ITGA4: variants seen among roughly 807,000 people sequenced by gnomAD.
ITGA4 encodes the protein integrin alpha-4.
In ITGA4, 63 loss-of-function variants were observed where a neutral mutation model predicts 133.6. That is an observed-to-expected ratio of 0.47 (90% confidence interval 0.38 to 0.58). The LOEUF (loss-of-function observed/expected upper bound fraction) is 0.58, where lower values mean the gene tolerates loss of function less well. Ranked by LOEUF, ITGA4 falls within the 20% of genes least tolerant of loss-of-function variation. ITGA4 has a pLI of 0.00. For synonymous variants in ITGA4, 483 were observed against 438.0 expected (o/e 1.10, Z -1.28); for missense variants, 1,076 against 1,252.7 (o/e 0.86, Z 2.13).
chr2:181,538,300 T>A lies in ITGA4; in HGVS notation c.*2773T>A. On this transcript the variant is annotated 3_prime_UTR_variant, in exon 28 of 28. Coordinates refer to ENST00000397033, the MANE Select transcript of ITGA4 (RefSeq NM_000885.6). ...TATTTTGTTGTTTTTCACATACACC[T>A]AATAAGTATGGTACACAATGCCAAT... 4 of 1,009,914 alleles carry A rather than the reference T, an allele frequency of 4.0e-6. No homozygotes were observed. The highest frequency in any genetic ancestry group is 2.6e-5 in the South Asian group (2 of 76,512). 62.6% of individuals were successfully genotyped at this position (1,009,914 alleles called of 1,614,324 possible).
rs1388467634 is a variant in ITGA4, at chr2:181,535,593, C to CTGTT, written c.*68_*71dup. On this transcript the variant is annotated 3_prime_UTR_variant, in exon 28 of 28. Coordinates refer to ENST00000397033, the MANE Select transcript of ITGA4 (RefSeq NM_000885.6). ...TTGTAGTAAAGAAATTTAAAAGACA[C>CTGTT]TGTTTACAAGAAAAAATGAATTTTG... 2.6e-6 allele frequency: 4 copies of CTGTT among 1,518,310 alleles called. No homozygotes were observed. Among genetic ancestry groups the CTGTT allele is most frequent in the South Asian group, 2.8e-5 (2 of 72,636 alleles). The allele number at this position is 1,518,310 out of a possible 1,614,324, so 94.1% of individuals were successfully genotyped here. A position where few individuals can be genotyped will look rare whatever the true frequency, so the allele number is the denominator to read the frequency against.
Position 181,495,441 on chromosome 2 carries a change from TA to T in ITGA4, c.1385+27del, listed in dbSNP as rs2105745285. 6 of 1,567,134 alleles carry T rather than the reference TA, an allele frequency of 3.8e-6. No homozygotes were observed. Among genetic ancestry groups the T allele is most frequent in the East Asian group, 4.5e-5 (2 of 44,578 alleles). On this transcript the variant is annotated intron_variant, in intron 13 of 27. Transcript: ENST00000397033. The surrounding 1 kb of genome is among the most constrained non-coding windows in gnomAD (Gnocchi z 4.3). ...GGTAAGACTGATATATTTCACTGCT[TA>T]ATTGCAATTTGGTTTAATTGTAAAA...
chr2:181,538,380 AAACTGAGAAGGTCTGATTGAT>A lies in ITGA4; in HGVS notation c.*2856_*2876del. On this transcript the variant is annotated 3_prime_UTR_variant, in exon 28 of 28. Coordinates refer to ENST00000397033, the MANE Select transcript of ITGA4 (RefSeq NM_000885.6). ...ATTCCCAACAGAGCTGTAATCTAGA[AAACTGAGAAGGTCTGATTGAT>A]AAATCATCAACAACAATAATTGCTC... The A allele has an allele frequency of 1.6e-6, 1 of 619,410 alleles. No individual in the cohort carries two copies. Among genetic ancestry groups the A allele is most frequent in the Non-Finnish European group, 2.9e-6 (1 of 341,024 alleles). 38.4% of individuals were successfully genotyped at this position (619,410 alleles called of 1,614,324 possible).
At chr2:181,471,417 C>G (rs2105722500) in intron 2 of ITGA4, among the ~76,000 whole-genome samples, 1 of 152,150 alleles carries the variant, frequency 6.6e-6, no homozygotes, top group South Asian at 2.1e-4. Flanking sequence ...TGTAGTTAAC[C>G]TTAACAAAAA....
At chr2:181,508,844 C>T (rs1686445033) in intron 15 of ITGA4, among the ~76,000 whole-genome samples, 1 of 151,444 alleles carries the variant, frequency 6.6e-6, no homozygotes, top group African/African-American at 2.4e-5. Context: ...TAGAAAAGTT[C>T]CATAAAGAAA....
Position 181,513,107 on chromosome 2 carries a change from C to T in ITGA4, c.1922+1332C>T, listed in dbSNP as rs186997966. ...CCCATTGTCTTAGTAGTTATTTAGC[C>T]CTTTCTTTTCAGCTGTTTTTGATGG... On this transcript the variant is annotated intron_variant, in intron 17 of 27. Transcript: ENST00000397033. Among the ~76,000 whole-genome samples the T allele has an allele frequency of 1.8e-4, 28 of 152,002 alleles. 1 individual carries two copies. In the East Asian group the frequency reaches 5.1e-3, roughly 27 times the overall value.
intron 2 of ITGA4, among the ~76,000 whole-genome samples, chr2:181,472,081 T>A (rs1237381182): frequency 6.6e-6 from 1 of 152,170 alleles, no homozygotes; most frequent in African/African-American, 2.4e-5. Context: ...TAGTTTGTGG[T>A]GTGTGTAAAC....
At chr2:181,512,358 G>C (rs965465632) in intron 17 of ITGA4, among the ~76,000 whole-genome samples, 1 of 152,000 alleles carries the variant, frequency 6.6e-6, no homozygotes, top group Non-Finnish European at 1.5e-5. Context: ...CTTTAATCTG[G>C]GGCATGTTGA....
At chr2:181,461,195 CTGTT>C (rs1685267992) in intron 2 of ITGA4, among the ~76,000 whole-genome samples, 1 of 146,850 alleles carries the variant, frequency 6.8e-6, no homozygotes. Context: ...GTGAGCCTGC[CTGTT>C]TATCTAGAAT....
At chr2:181,469,592 T>G (rs1361550350) in intron 2 of ITGA4, among the ~76,000 whole-genome samples, 3 of 152,230 alleles carry the variant, frequency 2.0e-5, no homozygotes, top group Admixed American at 6.5e-5. Context: ...TTATAAATCA[T>G]GCTGCTATAA....
intron 10 of ITGA4, among the ~76,000 whole-genome samples, chr2:181,488,536 T>C (rs1175922758): frequency 6.6e-6 from 1 of 152,144 alleles, no homozygotes; most frequent in East Asian, 1.9e-4. Flanking sequence ...ATATATCTTT[T>C]TCTACTTGGT....
chr2:181,465,417 T>G (rs1383248274), intron 2 of ITGA4, among the ~76,000 whole-genome samples: 1 of 152,094 alleles, frequency 6.6e-6, no homozygotes, highest in Non-Finnish European at 1.5e-5. Context: ...TGCTGTCTTT[T>G]TTTCTTTTTC....
chr2:181,519,727 A>C (rs184117047), intron 17 of ITGA4, among the ~76,000 whole-genome samples: 180 of 152,240 alleles, frequency 1.2e-3, no homozygotes, highest in African/African-American at 4.3e-3. Context: ...TACAGATCGC[A>C]ATGTGGTAAT....
At position 181,538,344 on chromosome 2, in the gene ITGA4, A is replaced by G. The variant is rs1687304888; in HGVS notation, c.*2817A>G. On this transcript the variant is annotated 3_prime_UTR_variant, in exon 28 of 28. Coordinates refer to ENST00000397033, the MANE Select transcript of ITGA4 (RefSeq NM_000885.6). ...TGCCAATGCCAAATACAAATTGATA[A>G]CAAACACAGCATTCCCAACAGAGCT... 1 of 697,536 alleles carries G rather than the reference A, an allele frequency of 1.4e-6. No homozygotes were observed. The highest frequency in any genetic ancestry group is 2.6e-6 in the Non-Finnish European group (1 of 385,718). 43.2% of individuals were successfully genotyped at this position (697,536 alleles called of 1,614,324 possible).
At chr2:181,514,524 G>GT (rs35297716) in intron 17 of ITGA4, among the ~76,000 whole-genome samples, 39,512 of 151,940 alleles carry the variant, frequency 0.26, 5,644 homozygotes, top group Non-Finnish European at 0.32. Flanking sequence ...ATCCCAGCAT[G>GT]TAGGGCAGTG....
chr2:181,493,278 T>A, intron 10 of ITGA4, 47 bp from the exon 11 acceptor site: 1 of 1,331,618 alleles, frequency 7.5e-7, no homozygotes, highest in Non-Finnish European at 1.1e-6. Flanking sequence ...GAAGTTGCAT[T>A]CTTTGTATCA....
At chr2:181,461,632 G>A (rs746227913) in intron 2 of ITGA4, among the ~76,000 whole-genome samples, 1 of 152,036 alleles carries the variant, frequency 6.6e-6, no homozygotes. Context: ...TATTCAAATA[G>A]AACATAATAA....
At chr2:181,491,147 A>T (rs1455361961) in intron 10 of ITGA4, among the ~76,000 whole-genome samples, 4 of 152,208 alleles carry the variant, frequency 2.6e-5, no homozygotes, top group Non-Finnish European at 1.5e-5. Context: ...AAAAAAATTT[A>T]TCTGGGCCTT....
chr2:181,473,664 T>G (rs1045847998), intron 2 of ITGA4, among the ~76,000 whole-genome samples: 26 of 152,184 alleles, frequency 1.7e-4, no homozygotes, highest in African/African-American at 6.0e-4. Context: ...TGCAAATAAT[T>G]TCACTTCTCA....
Sources: allele counts gnomAD v4.1 joint callset (sites outside exome capture counted in the v4.1 genomes callset), GRCh38; gene constraint gnomAD v4.1.1; non-coding constraint Gnocchi (gnomAD v3.1); transcripts MANE v1.5; gene names NCBI Gene and HGNC (gene_info 2026-07-23, HGNC 2026-07-21).